Variants in FANCE observed in about 807,000 individuals in gnomAD.
FANCE encodes the protein FA complementation group E.
In FANCE, 42 loss-of-function variants were observed where a neutral mutation model predicts 57.8. The observed-to-expected ratio is 0.73, with a 90% CI of 0.57 to 0.94. The LOEUF (loss-of-function observed/expected upper bound fraction) is 0.94. Among genes scored for constraint, FANCE ranks in the 40% least tolerant of loss-of-function variants. The pLI is 0.00. For synonymous variants in FANCE, 251 were observed against 286.4 expected (o/e 0.88, Z 1.25); for missense variants, 608 against 661.8 (o/e 0.92, Z 0.89).
At chr6:35,455,671 C>A in intron 1 of FANCE, 76 bp from the exon 2 acceptor site, 1 of 1,573,144 alleles carries the variant, frequency 6.4e-7, no homozygotes, top group Non-Finnish European at 8.7e-7. Flanking sequence ...CGCCATCTAG[C>A]CCCCAGCTCT....
intron 5 of FANCE, among the ~76,000 whole-genome samples, 167 bp from the exon 6 acceptor site, chr6:35,459,164 G>A (rs964042155): frequency 4.6e-5 from 7 of 152,154 alleles, no homozygotes; most frequent in African/African-American, 1.7e-4. Flanking sequence ...AACTGAGCAA[G>A]AGAGGTATGT....
chr6:35,464,802 G>A (rs1262626113), intron 9 of FANCE, among the ~76,000 whole-genome samples: 5 of 142,976 alleles, frequency 3.5e-5, no homozygotes, highest in Non-Finnish European at 1.5e-5. Context: ...CTGCGATCTC[G>A]GCTCACTGCA....
At chr6:35,460,991 T>C (rs1048739770) in intron 8 of FANCE, among the ~76,000 whole-genome samples, 3 of 152,206 alleles carry the variant, frequency 2.0e-5, no homozygotes, top group African/African-American at 7.2e-5. Flanking sequence ...CAATCTTGGC[T>C]CACTGCAACC....
intron 9 of FANCE, 116 bp downstream of exon 9, chr6:35,463,030 G>A (rs1221824313): frequency 2.8e-6 from 4 of 1,435,260 alleles, no homozygotes; most frequent in East Asian, 2.3e-5. Context: ...GCCAGGCACG[G>A]TGGCTCACGC....
At chr6:35,453,383 A>G (rs1767190915) in intron 1 of FANCE, among the ~76,000 whole-genome samples, 1 of 151,330 alleles carries the variant, frequency 6.6e-6, no homozygotes, top group Non-Finnish European at 1.5e-5. Context: ...CTGCCATTTT[A>G]TTTGGTTGTG....
rs1561797548 is a variant in FANCE at position 35,467,044 on chromosome 6, G to GT, written c.*704dup. ...GCTCATGTATATTATGACCTTCTGTGTTTTTGTTTCTGACTTGAATAATTT... is the reference window on the plus strand; with the variant it reads ...GCTCATGTATATTATGACCTTCTGTGTTTTTTGTTTCTGACTTGAATAATTT... On this transcript the variant is annotated 3_prime_UTR_variant, in exon 10 of 10. Transcript: ENST00000229769. 1 of 213,414 alleles carries GT rather than the reference G, an allele frequency of 4.7e-6. No individual in the cohort carries two copies. The highest frequency in any genetic ancestry group is 6.9e-5 in the East Asian group (1 of 14,404). The allele number at this position is 213,414 out of a possible 1,614,324, so 13.2% of individuals were successfully genotyped here.
intron 9 of FANCE, 31 bp from the exon 10 acceptor site, chr6:35,466,213 G>C (rs749663547): frequency 7.2e-7 from 1 of 1,397,512 alleles, no homozygotes; most frequent in South Asian, 1.2e-5. Context: ...TCAGTTGCTG[G>C]AGTCCTGACA....
chr6:35,452,782 C>T lies in FANCE; in HGVS notation c.237C>T (p.Gly79=). The change falls in exon 1 of 10, where the codon GGC becomes GGT. Residue 79 remains glycine (G), a synonymous_variant. Transcript: ENST00000229769. ...REEPVVQGPD[G]RLELKPLLLR... ...AGCCGGTCGTGCAGGGGCCTGACGG[C>T]CGTCTGGAGCTGTAAGTCCTCGCCC... 1 of 1,305,442 alleles carries T rather than the reference C, an allele frequency of 7.7e-7. No individual in the cohort carries two copies. The highest frequency in any genetic ancestry group is 3.5e-5 in the Admixed American group (1 of 28,568). 80.9% of individuals were successfully genotyped at this position (1,305,442 alleles called of 1,614,324 possible). A position where few individuals can be genotyped will look rare whatever the true frequency, so the allele number is the denominator to read the frequency against.
chr6:35,466,353 C>T lies in FANCE; in HGVS notation c.*8C>T. The T allele has an allele frequency of 6.4e-7, 1 of 1,563,016 alleles. No homozygotes were observed. Among genetic ancestry groups the T allele is most frequent in the Non-Finnish European group, 8.8e-7 (1 of 1,133,380 alleles). ...AAACATTTGGGCCCCTGACCATCCA[C>T]CAAGGGACCACCCTCTTGGTGCTCC... On this transcript the variant is annotated 3_prime_UTR_variant, in exon 10 of 10. Coordinates refer to ENST00000229769, the MANE Select transcript of FANCE (RefSeq NM_021922.3).
rs1036520716 is a variant in FANCE, at chr6:35,458,507, G to A, written c.1113+67G>A. The A allele has an allele frequency of 2.7e-5, 43 of 1,584,996 alleles. No homozygotes were observed. In the African/African-American group the frequency reaches 5.2e-4, roughly 19 times the overall value. ...GGAAGAGCAACTGGGCCCTCAGAAG[G>A]GTGGTACTTGAGAGAGGGGATTCCC... On this transcript the variant is annotated intron_variant, in intron 5 of 9. Transcript: ENST00000229769.
rs1767311517 is a variant in FANCE at position 35,455,903 on chromosome 6, C to T, written c.405C>T (p.Ala135=). 6.2e-7 allele frequency: 1 copy of T among 1,614,142 alleles called. No homozygotes were observed. Among genetic ancestry groups the T allele is most frequent in the Non-Finnish European group, 8.5e-7 (1 of 1,180,024 alleles). The change falls in exon 2 of 10, where the codon GCC becomes GCT. Residue 135 remains alanine (A), a synonymous_variant. Transcript: ENST00000229769. ...LAPDPDAWLR[A]LGELLRRDLG... ...CTGACCCAGATGCCTGGCTCCGTGCCCTGGGGGAATTGCTGCGAAGGGATT... is the reference window on the plus strand; with the variant it reads ...CTGACCCAGATGCCTGGCTCCGTGCTCTGGGGGAATTGCTGCGAAGGGATT...
intron 9 of FANCE, among the ~76,000 whole-genome samples, chr6:35,463,663 CT>C (rs756174501): frequency 1.7e-3 from 238 of 136,280 alleles, no homozygotes; most frequent in South Asian, 3.7e-3. Context: ...GGCTTCCTGA[CT>C]TTTTTTTTTT....
At chr6:35,452,906 A>G in intron 1 of FANCE, 113 bp downstream of exon 1, 3 of 1,120,058 alleles carry the variant, frequency 2.7e-6, no homozygotes, top group South Asian at 4.0e-5. Context: ...CGCGCACCCT[A>G]TGAGCAGGGG....
intron 8 of FANCE, among the ~76,000 whole-genome samples, chr6:35,461,221 G>A (rs920682297): frequency 2.0e-5 from 3 of 152,154 alleles, no homozygotes; most frequent in Non-Finnish European, 4.4e-5. Flanking sequence ...GTAGAGACAG[G>A]GTTTCACCAT....
At position 35,456,827 on chromosome 6, in the gene FANCE, TA is replaced by T. The variant is rs1767363289; in HGVS notation, c.855+476del. 6.6e-6 allele frequency among the ~76,000 whole-genome samples: 1 copy of T among 152,042 alleles called. No homozygotes were observed. On this transcript the variant is annotated intron_variant, in intron 2 of 9. Transcript: ENST00000229769. The surrounding 1 kb of genome is among the most constrained non-coding windows in gnomAD (Gnocchi z 4.3). ...CACGCCCAGCCACTCCACAGACTCT[TA>T]AGGAGGGGTAGGGAAGGGAGTTATT... is the stretch of plus-strand genomic sequence containing the variant.
rs1373458508 is a variant in FANCE at position 35,466,938 on chromosome 6, A to C, written c.*593A>C. On this transcript the variant is annotated 3_prime_UTR_variant, in exon 10 of 10. Coordinates refer to ENST00000229769, the MANE Select transcript of FANCE (RefSeq NM_021922.3). ...AGGGACAAACTTTCCGATAGGGCTC[A>C]GTAGGATCAAGCCGACCCAGAGTGG... The C allele has an allele frequency of 4.4e-6, 1 of 227,534 alleles. No individual in the cohort carries two copies. The highest frequency in any genetic ancestry group is 8.7e-6 in the Non-Finnish European group (1 of 114,326). The allele number at this position is 227,534 out of a possible 1,614,324, so 14.1% of individuals were successfully genotyped here.
At chr6:35,452,842 G>T (rs1442890464) in intron 1 of FANCE, 49 bp downstream of exon 1, 2 of 1,280,362 alleles carry the variant, frequency 1.6e-6, no homozygotes, top group South Asian at 4.9e-5. Flanking sequence ...GCGGGGGGCT[G>T]TCGGGGGAAC....
rs1279490699 is a variant in FANCE, at chr6:35,466,381, C to A, written c.*36C>A. ...AGGGACCACCCTCTTGGTGCTCCAT[C>A]ACCAGCTTCCTGAAGGGCATTTCTT... On this transcript the variant is annotated 3_prime_UTR_variant, in exon 10 of 10. Coordinates refer to ENST00000229769, the MANE Select transcript of FANCE (RefSeq NM_021922.3). 4 of 1,284,022 alleles carry A rather than the reference C, an allele frequency of 3.1e-6. No individual in the cohort carries two copies. Among genetic ancestry groups the A allele is most frequent in the South Asian group, 1.2e-5 (1 of 84,406 alleles). 79.5% of individuals were successfully genotyped at this position (1,284,022 alleles called of 1,614,324 possible).
At chr6:35,452,837 G>T (rs2150886296) in intron 1 of FANCE, 44 bp downstream of exon 1, 1 of 1,282,312 alleles carries the variant, frequency 7.8e-7, no homozygotes, top group South Asian at 2.4e-5. Flanking sequence ...GGGAGGCGGG[G>T]GGCTGTCGGG....
Sources: allele counts gnomAD v4.1 joint callset (sites outside exome capture counted in the v4.1 genomes callset), GRCh38; gene constraint gnomAD v4.1.1; non-coding constraint Gnocchi (gnomAD v3.1); transcripts MANE v1.5; gene names NCBI Gene and HGNC (gene_info 2026-07-23, HGNC 2026-07-21).